The following PTDSS1 variants were observed in gnomAD, a reference collection of about 807,000 sequenced individuals.
PTDSS1 encodes the protein phosphatidylserine synthase 1.
Under a neutral mutation model 70.5 loss-of-function variants are expected in PTDSS1, and 45 were observed. That is an observed-to-expected ratio of 0.64 (90% CI 0.50 to 0.82). The LOEUF is 0.82. Ranked by LOEUF, PTDSS1 falls within the 40% of genes least tolerant of loss-of-function variation. PTDSS1 has a pLI of 0.00. For missense variants in PTDSS1, 417 were observed against 586.1 expected (o/e 0.71, Z 2.98); for synonymous variants, 188 against 203.8 (o/e 0.92, Z 0.66).
rs995803732 is a variant in PTDSS1 at position 96,301,528 on chromosome 8, G to GT, written c.752+1691dup. ...TTTGTTTTTTTGTTTGTTTGTTTTT[G>GT]TTTTTTTTGAGATGGAGTTTCACTC... is the stretch of plus-strand genomic sequence containing the variant. On this transcript the variant is annotated intron_variant, in intron 6 of 12. Transcript: ENST00000517309. 6.6e-5 allele frequency among the ~76,000 whole-genome samples: 10 copies of GT among 150,848 alleles called. No homozygotes were observed. The South Asian group carries it at 1.3e-3, about 19-fold the overall frequency.
rs1586215239 is a variant in PTDSS1 at position 96,333,960 on chromosome 8, C to T, written c.*394C>T. On this transcript the variant is annotated 3_prime_UTR_variant, in exon 13 of 13. Coordinates refer to ENST00000517309, the MANE Select transcript of PTDSS1 (RefSeq NM_014754.3). ...AACCCCATGGTTAATGGACTGGTCA[C>T]CAGTTTTTATTTTATTTTTATGAAT... is the stretch of plus-strand genomic sequence containing the variant. 2.6e-5 allele frequency: 12 copies of T among 465,658 alleles called. No individual in the cohort carries two copies. In the East Asian group the frequency reaches 3.9e-4, roughly 15 times the overall value. The allele number at this position is 465,658 out of a possible 1,614,324, so 28.8% of individuals were successfully genotyped here.
At chr8:96,311,584 A>G (rs1037944475) in intron 9 of PTDSS1, among the ~76,000 whole-genome samples, 1 of 152,172 alleles carries the variant, frequency 6.6e-6, no homozygotes, top group Non-Finnish European at 1.5e-5. Flanking sequence ...GAAGGGTGAC[A>G]TAGTTTTAAA....
chr8:96,327,317 C>T (rs1342319601), intron 10 of PTDSS1, among the ~76,000 whole-genome samples: 1 of 152,004 alleles, frequency 6.6e-6, no homozygotes, highest in Non-Finnish European at 1.5e-5. Context: ...GGACGATGAG[C>T]AGGATTTTGA....
Position 96,262,065 on chromosome 8 carries a change from A to C in PTDSS1, c.25A>C (p.Thr9Pro), listed in dbSNP as rs772997528. 4 of 1,613,362 alleles carry C rather than the reference A, an allele frequency of 2.5e-6. No individual in the cohort carries two copies. Among genetic ancestry groups the C allele is most frequent in the Non-Finnish European group, 3.4e-6 (4 of 1,179,586 alleles). MASCVGSR[T>P]LSKDDVNYKM... The stretch of plus-strand genomic sequence containing the variant: ...CATGGCGTCCTGCGTGGGGAGCCGG[A>C]CCCTAAGCAAGGATGATGTGAACTA... The change falls in exon 1 of 13, where the codon ACC becomes CCC. Residue 9 changes from threonine (T) to proline (P), a missense_variant. Thr to Pro is a conservative substitution (Grantham distance 38). This residue lies in a region of PTDSS1 where 38 missense variants were observed against 34.3 expected (regional missense o/e 1.11). Coordinates refer to ENST00000517309, the MANE Select transcript of PTDSS1 (RefSeq NM_014754.3). This position sits in a 1 kb window ranked among gnomAD's most constrained non-coding sequence, Gnocchi z 4.4.
chr8:96,325,832 T>C (rs926817147), intron 10 of PTDSS1, among the ~76,000 whole-genome samples: 3 of 152,152 alleles, frequency 2.0e-5, no homozygotes, highest in Non-Finnish European at 4.4e-5. Flanking sequence ...AGGAAAGTTA[T>C]GGGGATCAGA....
intron 1 of PTDSS1, among the ~76,000 whole-genome samples, chr8:96,265,633 C>T (rs1214830201): frequency 6.6e-6 from 1 of 151,744 alleles, no homozygotes; most frequent in African/African-American, 2.4e-5. Flanking sequence ...ATTAGCTGGG[C>T]GTGGTGGCAT....
chr8:96,298,906 G>T (rs1339878673), intron 5 of PTDSS1, among the ~76,000 whole-genome samples: 1 of 151,986 alleles, frequency 6.6e-6, no homozygotes, highest in Non-Finnish European at 1.5e-5. Flanking sequence ...CGGGCATGGT[G>T]GTGTGTGCTT....
At chr8:96,332,390 G>A (rs1040815681) in intron 12 of PTDSS1, among the ~76,000 whole-genome samples, 1 of 152,140 alleles carries the variant, frequency 6.6e-6, no homozygotes, top group African/African-American at 2.4e-5. Flanking sequence ...AGAAGAAAGC[G>A]CCCTGTTGCA....
At chr8:96,301,016 G>T (rs1178245979) in intron 6 of PTDSS1, among the ~76,000 whole-genome samples, 1 of 152,030 alleles carries the variant, frequency 6.6e-6, no homozygotes, top group Non-Finnish European at 1.5e-5. Context: ...TGTGATACTG[G>T]ATTTCTATCA....
rs1295032798 is a variant in PTDSS1 at position 96,276,970 on chromosome 8, G to GCA, written c.271+3582_271+3583dup. ...TCTCCTCCCGGGCACATACACGCGC[G>GCA]CACGCGCGCGCACACACACACACAC... On this transcript the variant is annotated intron_variant, in intron 2 of 12. Coordinates refer to ENST00000517309, the MANE Select transcript of PTDSS1 (RefSeq NM_014754.3). 4.2e-3 allele frequency among the ~76,000 whole-genome samples: 490 copies of GCA among 115,552 alleles called. 7 individuals carry two copies. The highest frequency in any genetic ancestry group is 0.015 in the African/African-American group (463 of 31,306). The allele number at this position is 115,552 out of a possible 152,430, so 75.8% of individuals were successfully genotyped here. A position where few individuals can be genotyped will look rare whatever the true frequency, so the allele number is the denominator to read the frequency against.
intron 10 of PTDSS1, among the ~76,000 whole-genome samples, chr8:96,323,157 C>A (rs1187399317): frequency 6.6e-6 from 1 of 152,256 alleles, no homozygotes; most frequent in Non-Finnish European, 1.5e-5. Flanking sequence ...GCCCCCAGGC[C>A]TGGCAGCTCC....
intron 6 of PTDSS1, 119 bp downstream of exon 6, chr8:96,299,964 A>G (rs1254618358): frequency 1.6e-6 from 2 of 1,237,558 alleles, no homozygotes; most frequent in Non-Finnish European, 2.2e-6. Context: ...CATGTTAATA[A>G]CTGAAACTCA....
chr8:96,317,907 G>GTA (rs1439181178), intron 9 of PTDSS1, among the ~76,000 whole-genome samples: 6 of 85,140 alleles, frequency 7.0e-5, no homozygotes, highest in Non-Finnish European at 1.1e-4. Flanking sequence ...GTGTGTGTGT[G>GTA]TGTGTGTGTG....
chr8:96,263,297 T>C (rs763878386), intron 1 of PTDSS1, among the ~76,000 whole-genome samples: 1 of 152,214 alleles, frequency 6.6e-6, no homozygotes, highest in Non-Finnish European at 1.5e-5. Context: ...TGGTTCCTAC[T>C]TAGAATGATT....
intron 4 of PTDSS1, among the ~76,000 whole-genome samples, chr8:96,291,246 C>G (rs754933415): frequency 6.6e-6 from 1 of 151,970 alleles, no homozygotes; most frequent in African/African-American, 2.4e-5. Context: ...CTATTGAACC[C>G]TAAGACAATT....
intron 3 of PTDSS1, among the ~76,000 whole-genome samples, chr8:96,285,224 G>A (rs924698008): frequency 6.6e-6 from 1 of 152,208 alleles, no homozygotes; most frequent in Non-Finnish European, 1.5e-5. Flanking sequence ...AAGGATCCAA[G>A]CCTGCAAAGA....
intron 10 of PTDSS1, among the ~76,000 whole-genome samples, chr8:96,321,557 G>C (rs1243329060): frequency 1.3e-5 from 2 of 152,148 alleles, no homozygotes; most frequent in African/African-American, 4.8e-5. Flanking sequence ...TTTTCCCACA[G>C]TCTGGATTTT....
chr8:96,320,307 A>G lies in PTDSS1; in HGVS notation c.1135A>G (p.Thr379Ala). The change falls in exon 10 of 13, where the codon ACC becomes GCC. Residue 379 changes from threonine to alanine, a missense_variant. Coordinates refer to ENST00000517309, the MANE Select transcript of PTDSS1 (RefSeq NM_014754.3). ...IKFGQDLFSK[T>A]QILYVVLWLL... ...ATTTGGACAAGATCTCTTCTCTAAG[A>G]CCCAAATACTCTATGTTGTGCTTTG... The G allele has an allele frequency of 1.2e-6, 2 of 1,613,218 alleles. No homozygotes were observed. Among genetic ancestry groups the G allele is most frequent in the Non-Finnish European group, 1.7e-6 (2 of 1,179,238 alleles).
At chr8:96,331,574 CAAAAAAAAAAA>C (rs1286667823) in intron 12 of PTDSS1, among the ~76,000 whole-genome samples, 1 of 122,756 alleles carries the variant, frequency 8.1e-6, no homozygotes, top group Non-Finnish European at 1.7e-5. Flanking sequence ...GACTCTGTCT[CAAAAAAAAAAA>C]AAGAAAAGAA....
Sources: gnomAD v4.1 joint callset for allele counts (sites outside exome capture counted in the v4.1 genomes callset) on GRCh38, gnomAD v4.1.1 for gene constraint, gnomAD v4.1.1 regional missense constraint, Gnocchi (gnomAD v3.1) non-coding constraint, MANE v1.5 for transcripts, NCBI Gene and HGNC (gene_info 2026-07-23, HGNC 2026-07-21) for gene names.